The following KCNK2 variants were observed in gnomAD, a reference collection of about 807,000 sequenced individuals.
The protein encoded by KCNK2 is potassium two pore domain channel subfamily K member 2, also known as potassium channel subfamily K member 2.
Under a neutral mutation model 40.5 loss-of-function variants are expected in KCNK2, and 21 were observed. That is an observed-to-expected ratio of 0.52 (90% CI 0.37 to 0.75). The LOEUF (loss-of-function observed/expected upper bound fraction) is 0.75. KCNK2 is among the 30% of genes least tolerant of loss of function. KCNK2 has a pLI of 0.00. For synonymous variants in KCNK2, 191 were observed against 202.2 expected, an observed-to-expected ratio of 0.94 and a Z score of 0.47; for missense variants, 399 against 531.6, an observed-to-expected ratio of 0.75 and a Z score of 2.45.
At chr1:215,204,751 T>C (rs1665241881) in intron 6 of KCNK2, among the ~76,000 whole-genome samples, 1 of 152,222 alleles carries the variant, frequency 6.6e-6, no homozygotes. Context: ...TGGTTTTAGT[T>C]CCTCTTTAAG....
chr1:215,043,404 A>G (rs1281990606), intron 1 of KCNK2, among the ~76,000 whole-genome samples: 2 of 152,242 alleles, frequency 1.3e-5, no homozygotes, highest in Non-Finnish European at 2.9e-5. Flanking sequence ...CCAAATATCC[A>G]TCAGCAGATG....
At chr1:215,031,366 A>ATCT (rs1657182814) in intron 1 of KCNK2, among the ~76,000 whole-genome samples, 1 of 152,206 alleles carries the variant, frequency 6.6e-6, no homozygotes, top group Non-Finnish European at 1.5e-5. Context: ...AACATGAAAT[A>ATCT]TCTTTCCCTT....
At chr1:215,109,556 T>G (rs1003092896) in intron 2 of KCNK2, among the ~76,000 whole-genome samples, 2 of 151,950 alleles carry the variant, frequency 1.3e-5, no homozygotes, top group Non-Finnish European at 2.9e-5. Flanking sequence ...TTTTCATTGT[T>G]GAGTATTATT....
intron 6 of KCNK2, among the ~76,000 whole-genome samples, chr1:215,212,471 A>G (rs1016598918): frequency 1.3e-5 from 2 of 152,162 alleles, no homozygotes; most frequent in Admixed American, 6.6e-5. Context: ...AAATGCAGGC[A>G]GGAAGGGCTA....
chr1:215,220,850 C>T (rs1475836883), intron 6 of KCNK2, among the ~76,000 whole-genome samples: 1 of 152,144 alleles, frequency 6.6e-6, no homozygotes, highest in Non-Finnish European at 1.5e-5. Flanking sequence ...TCAGTTGTTA[C>T]TTTTGACTTG....
At chr1:215,063,994 A>G (rs1239100678) in intron 1 of KCNK2, among the ~76,000 whole-genome samples, 1 of 152,204 alleles carries the variant, frequency 6.6e-6, no homozygotes, top group Non-Finnish European at 1.5e-5. Flanking sequence ...TATGGATGAA[A>G]TCGCTTGAGT....
At chr1:215,108,521 G>T (rs1660538612) in intron 2 of KCNK2, among the ~76,000 whole-genome samples, 1 of 152,050 alleles carries the variant, frequency 6.6e-6, no homozygotes, top group South Asian at 2.1e-4. Flanking sequence ...GTTTGACATA[G>T]TCCTATTAAT....
intron 3 of KCNK2, among the ~76,000 whole-genome samples, chr1:215,167,653 T>C (rs1416140592): frequency 6.6e-6 from 1 of 152,150 alleles, no homozygotes; most frequent in African/African-American, 2.4e-5. Context: ...TGCTTTTTGG[T>C]AAATATTGAA....
intron 1 of KCNK2, among the ~76,000 whole-genome samples, chr1:215,012,480 C>CT (rs140047095): frequency 1.3e-4 from 19 of 147,538 alleles, no homozygotes; most frequent in South Asian, 4.3e-4. Flanking sequence ...TTTTCTTTTT[C>CT]TTTTTTTTTT....
intron 2 of KCNK2, among the ~76,000 whole-genome samples, chr1:215,113,368 A>G (rs1660786259): frequency 1.3e-5 from 2 of 152,134 alleles, no homozygotes; most frequent in African/African-American, 4.8e-5. Context: ...CTGGCTTGCC[A>G]AGTTATTTTA....
intron 5 of KCNK2, among the ~76,000 whole-genome samples, chr1:215,184,027 A>G (rs1458635529): frequency 2.0e-5 from 3 of 152,180 alleles, no homozygotes; most frequent in Non-Finnish European, 1.5e-5. Flanking sequence ...CTCTCTGTGC[A>G]CTGTAGATGT....
intron 1 of KCNK2, among the ~76,000 whole-genome samples, chr1:215,019,935 G>A (rs1452612): frequency 0.26 from 35,279 of 137,256 alleles, 4,759 homozygotes; most frequent in South Asian, 0.52. Flanking sequence ...GAGGGTACAT[G>A]AGCAGAGGGA....
intron 1 of KCNK2, among the ~76,000 whole-genome samples, chr1:215,008,023 A>G (rs1416389509): frequency 6.6e-6 from 1 of 152,112 alleles, no homozygotes. Flanking sequence ...AACCTGCATG[A>G]ACACTTTTTC....
In KCNK2 at chr1:215,033,736, C is replaced by T. The variant is rs188178612; in HGVS notation, c.34+27781C>T. Among the ~76,000 whole-genome samples the T allele has an allele frequency of 6.6e-5, 10 of 152,200 alleles. No homozygotes were observed. The East Asian group carries it at 7.7e-4, about 12-fold the overall frequency. On this transcript the variant is annotated intron_variant, in intron 1 of 6. Transcript: ENST00000391895. Reference sequence around the variant, plus strand: ...GGTCTGGGGTTGAATATTTAGTCTCCGATAAAACCCCAGCAGGTAGGCTGT... The same window carrying T: ...GGTCTGGGGTTGAATATTTAGTCTCTGATAAAACCCCAGCAGGTAGGCTGT...
intron 6 of KCNK2, among the ~76,000 whole-genome samples, chr1:215,232,774 C>A (rs1666723158): frequency 6.6e-6 from 1 of 152,188 alleles, no homozygotes; most frequent in South Asian, 2.1e-4. Context: ...TACAGCCCTT[C>A]TGTTCATGAA....
chr1:215,025,558 G>A (rs1290946605), intron 1 of KCNK2, among the ~76,000 whole-genome samples: 1 of 151,922 alleles, frequency 6.6e-6, no homozygotes, highest in Non-Finnish European at 1.5e-5. Context: ...GATTCCCTAA[G>A]TTTATGTCAC....
chr1:215,220,132 A>G (rs577085098), intron 6 of KCNK2, among the ~76,000 whole-genome samples: 14 of 152,334 alleles, frequency 9.2e-5, no homozygotes, highest in African/African-American at 2.2e-4. Flanking sequence ...ATGCATATGC[A>G]TATTTCCATA....
At chr1:215,213,987 A>T (rs1665848969) in intron 6 of KCNK2, among the ~76,000 whole-genome samples, 1 of 152,112 alleles carries the variant, frequency 6.6e-6, no homozygotes, top group Non-Finnish European at 1.5e-5. Context: ...TGACACTGCT[A>T]ATTGGGGCTG....
In KCNK2 at chr1:215,208,101, G is replaced by T. The variant is rs531224936; in HGVS notation, c.963+13009G>T. 2.0e-5 allele frequency among the ~76,000 whole-genome samples: 3 copies of T among 152,224 alleles called. No homozygotes were observed. The South Asian group carries it at 6.2e-4, about 32-fold the overall frequency. ...GTTCACTGCAACACTATTCACAATAGCAAAGACATGGAATCAATGTAACTG... is the reference window on the plus strand; with the variant it reads ...GTTCACTGCAACACTATTCACAATATCAAAGACATGGAATCAATGTAACTG... On this transcript the variant is annotated intron_variant, in intron 6 of 6. Coordinates refer to ENST00000444842, the MANE Select transcript of KCNK2 (RefSeq NM_001017425.3).
Sources: gnomAD v4.1 joint callset for allele counts (sites outside exome capture counted in the v4.1 genomes callset) on GRCh38, gnomAD v4.1.1 for gene constraint, MANE v1.5 for transcripts, NCBI Gene and HGNC (gene_info 2026-07-23, HGNC 2026-07-21) for gene names.